The following ZRANB3 variants were observed in gnomAD, a reference collection of about 807,000 sequenced individuals.
The protein encoded by ZRANB3 is DNA annealing helicase and endonuclease ZRANB3.
A neutral mutation model predicts 133.8 loss-of-function variants in ZRANB3; 125 were observed. The ratio of observed to expected loss-of-function variants is 0.93; its 90% CI spans 0.81 to 1.08. The LOEUF is 1.08. Ranked by LOEUF, ZRANB3 falls within the 50% of genes least tolerant of loss-of-function variation. The probability of loss-of-function intolerance (pLI) is 0.00; values close to 1 mark genes in which losing one functional copy is unlikely to be tolerated. For missense variants in ZRANB3, 1,229 were observed against 1,275.5 expected (o/e 0.96, Z 0.56); for synonymous variants, 387 against 432.7 (o/e 0.89, Z 1.31).
At chr2:135,395,183 GAAACA>G in intron 2 of ZRANB3, among the ~76,000 whole-genome samples, 1 of 152,032 alleles carries the variant, frequency 6.6e-6, no homozygotes, top group African/African-American at 2.4e-5. Context: ...AGAGAACCGA[GAAACA>G]AATCCATACA....
intron 2 of ZRANB3, among the ~76,000 whole-genome samples, chr2:135,451,237 C>T (rs1357840303): frequency 6.6e-6 from 1 of 152,110 alleles, no homozygotes; most frequent in East Asian, 1.9e-4. Flanking sequence ...CCAACACTAA[C>T]ATGGAAATAT....
In ZRANB3 at chr2:135,332,211, A is replaced by G. The variant is rs527744749; in HGVS notation, c.677+13339T>C. Among the ~76,000 whole-genome samples, 18 of 152,296 alleles carry G rather than the reference A, an allele frequency of 1.2e-4. No individual in the cohort carries two copies. The South Asian group carries it at 3.5e-3, about 30-fold the overall frequency. On this transcript the variant is annotated intron_variant, in intron 6 of 20. Transcript: ENST00000264159. ...TATAGTGCTTAATACATAAGTACAT[A>G]TATTTTAAAACTTCTTACTCATATT...
intron 8 of ZRANB3, among the ~76,000 whole-genome samples, chr2:135,297,624 G>A (rs897629979): frequency 2.0e-5 from 3 of 152,200 alleles, no homozygotes; most frequent in Admixed American, 2.0e-4. Context: ...GATGAACCCG[G>A]TACCTCAGTT....
chr2:135,219,851 T>C (rs778735656), intron 15 of ZRANB3, among the ~76,000 whole-genome samples: 5 of 152,044 alleles, frequency 3.3e-5, no homozygotes, highest in Non-Finnish European at 7.4e-5. Context: ...CATCAATCGG[T>C]GCACAACATC....
intron 2 of ZRANB3, among the ~76,000 whole-genome samples, chr2:135,446,016 C>A (rs1225656235): frequency 6.6e-6 from 1 of 151,558 alleles, no homozygotes; most frequent in Non-Finnish European, 1.5e-5. Context: ...ACCAGCCTGG[C>A]CAACATGCTG....
chr2:135,503,673 T>C (rs1332330685), intron 2 of ZRANB3, among the ~76,000 whole-genome samples: 1 of 151,990 alleles, frequency 6.6e-6, no homozygotes, highest in Non-Finnish European at 1.5e-5. Context: ...AGAATAAGAA[T>C]ACAATGGATG....
In ZRANB3 at chr2:135,395,442, CT is replaced by C. The variant is rs533900626; in HGVS notation, c.162-4623del. Among the ~76,000 whole-genome samples, 1,303 of 135,878 alleles carry C rather than the reference CT, an allele frequency of 9.6e-3. 5 individuals carry two copies. Among genetic ancestry groups the C allele is most frequent in the Middle Eastern group, 0.037 (10 of 270 alleles). 89.1% of individuals were successfully genotyped at this position (135,878 alleles called of 152,430 possible). ...AGGACACAAGAATGGGCAAAGATTT[CT>C]TTTTTTTTTTTTTTTTAATTTTTTT... is the stretch of plus-strand genomic sequence containing the variant. On this transcript the variant is annotated intron_variant, in intron 2 of 20. Coordinates refer to ENST00000264159, the MANE Select transcript of ZRANB3 (RefSeq NM_032143.4).
chr2:135,375,573 T>C (rs1280921234), intron 3 of ZRANB3, among the ~76,000 whole-genome samples: 1 of 152,042 alleles, frequency 6.6e-6, no homozygotes, highest in East Asian at 1.9e-4. Flanking sequence ...TAGTCCCAGC[T>C]ACTTGGGAGG....
intron 11 of ZRANB3, among the ~76,000 whole-genome samples, chr2:135,268,679 A>G (rs543897201): frequency 3.2e-4 from 49 of 152,280 alleles, no homozygotes; most frequent in Non-Finnish European, 6.0e-4. Flanking sequence ...GGCTTGAAAC[A>G]TTACGTTTCC....
intron 8 of ZRANB3, among the ~76,000 whole-genome samples, chr2:135,309,613 T>A (rs1207162436): frequency 6.6e-6 from 1 of 152,142 alleles, no homozygotes; most frequent in African/African-American, 2.4e-5. Context: ...GAAATTTACA[T>A]TTTAAAAAAT....
At chr2:135,320,755 T>C (rs1428752950) in intron 6 of ZRANB3, among the ~76,000 whole-genome samples, 1 of 152,224 alleles carries the variant, frequency 6.6e-6, no homozygotes, top group African/African-American at 2.4e-5. Flanking sequence ...AATCACCCTC[T>C]GGTTTTTTAA....
intron 2 of ZRANB3, among the ~76,000 whole-genome samples, chr2:135,479,876 A>G (rs1423672732): frequency 6.6e-6 from 1 of 152,102 alleles, no homozygotes; most frequent in Non-Finnish European, 1.5e-5. Context: ...TATGCAATTA[A>G]TTAGCAAATT....
rs190094783 is a variant in ZRANB3, at chr2:135,509,146, T to C, written c.-7-4650A>G. 4.9e-3 allele frequency among the ~76,000 whole-genome samples: 743 copies of C among 151,928 alleles called. 3 individuals carry two copies. Among genetic ancestry groups the C allele is most frequent in the Middle Eastern group, 0.01 (3 of 294 alleles). Reference sequence around the variant, plus strand: ...AAGAGAATCATAACAAAATAGAAAATTTACCATATGGCTATGATTTAAAGA... The same window carrying C: ...AAGAGAATCATAACAAAATAGAAAACTTACCATATGGCTATGATTTAAAGA... On this transcript the variant is annotated intron_variant, in intron 1 of 20. Transcript: ENST00000264159.
intron 9 of ZRANB3, 43 bp from the exon 10 acceptor site, chr2:135,271,930 A>G: frequency 6.4e-7 from 1 of 1,557,140 alleles, no homozygotes; most frequent in Non-Finnish European, 8.7e-7. Flanking sequence ...ACAAGGCCCT[A>G]TGTACCCATC....
At chr2:135,375,007 A>T (rs1249923395) in intron 3 of ZRANB3, among the ~76,000 whole-genome samples, 1 of 152,164 alleles carries the variant, frequency 6.6e-6, no homozygotes, top group African/African-American at 2.4e-5. Flanking sequence ...AGATACTACT[A>T]CACATACATT....
chr2:135,372,273 A>T (rs1244190441), intron 3 of ZRANB3, among the ~76,000 whole-genome samples: 1 of 152,134 alleles, frequency 6.6e-6, no homozygotes, highest in Non-Finnish European at 1.5e-5. Context: ...AAACCATCAG[A>T]TACTGAATCC....
At chr2:135,296,321 A>T (rs987584232) in intron 8 of ZRANB3, among the ~76,000 whole-genome samples, 2 of 151,772 alleles carry the variant, frequency 1.3e-5, no homozygotes, top group African/African-American at 4.8e-5. Flanking sequence ...GCTTCATTTC[A>T]TTCATTTGAT....
intron 8 of ZRANB3, among the ~76,000 whole-genome samples, chr2:135,278,909 AG>A (rs1375152024): frequency 1.3e-5 from 2 of 152,172 alleles, no homozygotes; most frequent in Non-Finnish European, 2.9e-5. Context: ...CTTTCATGGA[AG>A]GATGGAAATA....
rs112481814 is a variant in ZRANB3 at position 135,289,329 on chromosome 2, C to A, written c.967-13574G>T. ...GGAGTGTAGTGGCGTGATCTCGGCT[C>A]ACTGCAGCCTCTGCCGCCCAGGTTC... On this transcript the variant is annotated intron_variant, in intron 8 of 20. Coordinates refer to ENST00000264159, the MANE Select transcript of ZRANB3 (RefSeq NM_032143.4). Among the ~76,000 whole-genome samples the A allele has an allele frequency of 7.9e-3, 1,201 of 152,144 alleles. 13 individuals carry two copies. Among genetic ancestry groups the A allele is most frequent in the African/African-American group, 0.027 (1,123 of 41,510 alleles).
Sources: allele counts gnomAD v4.1 joint callset (sites outside exome capture counted in the v4.1 genomes callset), GRCh38; gene constraint gnomAD v4.1.1; transcripts MANE v1.5; gene names NCBI Gene and HGNC (gene_info 2026-07-23, HGNC 2026-07-21).